Variants in TRPC3 observed in about 807,000 individuals in gnomAD.
TRPC3 encodes transient receptor potential cation channel subfamily C member 3, also known as short transient receptor potential channel 3.
In TRPC3, 54 loss-of-function variants were observed where a neutral mutation model predicts 90.9. That is an observed-to-expected ratio of 0.59 (90% CI 0.48 to 0.75). The LOEUF is 0.75. TRPC3 is among the 30% of genes least tolerant of loss of function. The pLI, the probability that TRPC3 is intolerant of heterozygous loss-of-function variation, is 0.00. For missense variants in TRPC3, 918 were observed against 1,194.5 expected, an observed-to-expected ratio of 0.77 and a Z score of 3.41; for synonymous variants, 424 against 450.9, an observed-to-expected ratio of 0.94 and a Z score of 0.75.
At chr4:121,907,668 T>C in intron 6 of TRPC3, 101 bp from the exon 7 acceptor site, 3 of 1,320,192 alleles carry the variant, frequency 2.3e-6, no homozygotes, top group South Asian at 3.1e-5. Context: ...AGGTAGGTGG[T>C]TACCATCTCA....
chr4:121,936,771 C>G (rs1730143690), intron 1 of TRPC3, among the ~76,000 whole-genome samples: 1 of 152,112 alleles, frequency 6.6e-6, no homozygotes, highest in Admixed American at 6.5e-5. Context: ...AGGTACCTCT[C>G]CAGAAACCGA....
chr4:121,942,920 C>T (rs1730367744), intron 1 of TRPC3, among the ~76,000 whole-genome samples: 1 of 152,206 alleles, frequency 6.6e-6, no homozygotes, highest in Non-Finnish European at 1.5e-5. Context: ...AAGCAAATGC[C>T]TTCTAGAACT....
rs1159944820 is a variant in TRPC3, at chr4:121,951,904, A to AGCAGCT, written c.-230_-225dup. 2.8e-6 allele frequency: 1 copy of AGCAGCT among 357,058 alleles called. No individual in the cohort carries two copies. The highest frequency in any genetic ancestry group is 5.0e-6 in the Non-Finnish European group (1 of 201,222). The allele number at this position is 357,058 out of a possible 1,614,324, so 22.1% of individuals were successfully genotyped here. On this transcript the variant is annotated 5_prime_UTR_variant, in exon 1 of 12. Transcript: ENST00000379645. The surrounding 1 kb of genome is among the most constrained non-coding windows in gnomAD (Gnocchi z 4.4). ...CCGCCGCCCACCATCAAACCGTGGG[A>AGCAGCT]GCAGCTGCCGCGGCCGTGGCTGCGA... is the stretch of plus-strand genomic sequence containing the variant.
chr4:121,920,582 T>G (rs1284323418), intron 3 of TRPC3, among the ~76,000 whole-genome samples: 1 of 152,212 alleles, frequency 6.6e-6, no homozygotes, highest in African/African-American at 2.4e-5. Context: ...CATTCCCTGT[T>G]AGTAAAGATG....
intron 1 of TRPC3, among the ~76,000 whole-genome samples, chr4:121,942,887 C>T (rs1167779778): frequency 6.6e-6 from 1 of 152,156 alleles, no homozygotes; most frequent in Non-Finnish European, 1.5e-5. Flanking sequence ...CTTAAACGAA[C>T]GTATGTGCCC....
intron 3 of TRPC3, among the ~76,000 whole-genome samples, chr4:121,916,333 G>A (rs1729316515): frequency 6.6e-6 from 1 of 152,182 alleles, no homozygotes; most frequent in African/African-American, 2.4e-5. Context: ...TGCACCCAGT[G>A]TAAAGTCCAC....
chr4:121,912,222 CT>C, intron 4 of TRPC3, 129 bp from the exon 5 acceptor site: 1 of 737,696 alleles, frequency 1.4e-6, no homozygotes, highest in Non-Finnish European at 2.1e-6. Context: ...TTCCAAAAAG[CT>C]TTATATTATG....
At chr4:121,898,063 C>T (rs556230908) in intron 10 of TRPC3, among the ~76,000 whole-genome samples, 1 of 152,220 alleles carries the variant, frequency 6.6e-6, no homozygotes, top group South Asian at 2.1e-4. Context: ...TAAAGTTAAG[C>T]ACCGCATGTT....
At chr4:121,945,547 A>G (rs1281500830) in intron 1 of TRPC3, among the ~76,000 whole-genome samples, 2 of 152,224 alleles carry the variant, frequency 1.3e-5, no homozygotes, top group East Asian at 3.8e-4. Flanking sequence ...CACCCAGCTC[A>G]ATGCTAGAGA....
In TRPC3 at chr4:121,875,762, G is replaced by A. The variant is rs67775544; in HGVS notation, c.*3974C>T. ...GCATTAAAGTTAAAACCATCAACAC[G>A]CTAGTGGTGGTCAGCTGAGTGACTG... On this transcript the variant is annotated 3_prime_UTR_variant, in exon 12 of 12. Transcript: ENST00000379645. 0.3 allele frequency among the ~76,000 whole-genome samples: 45,509 copies of A among 151,914 alleles called. 8,326 individuals carry two copies. Among genetic ancestry groups the A allele is most frequent in the East Asian group, 0.44 (2,268 of 5,174 alleles).
intron 3 of TRPC3, among the ~76,000 whole-genome samples, chr4:121,916,946 C>T (rs1244279909): frequency 1.3e-5 from 2 of 151,928 alleles, no homozygotes; most frequent in African/African-American, 2.4e-5. Context: ...AACTCTCAAC[C>T]TCAGGTGATC....
Position 121,929,577 on chromosome 4 carries a change from A to C in TRPC3, c.987+2694T>G, listed in dbSNP as rs1365778499. ...TTCAAACAGCATTTGCACATCCAAA[A>C]TATTTCTTTAATAACCTGTCACCGA... is the stretch of plus-strand genomic sequence containing the variant. On this transcript the variant is annotated intron_variant, in intron 2 of 11. Coordinates refer to ENST00000379645, the MANE Select transcript of TRPC3 (RefSeq NM_001130698.2). Among the ~76,000 whole-genome samples, 5 of 152,246 alleles carry C rather than the reference A, an allele frequency of 3.3e-5. No individual in the cohort carries two copies. The East Asian group carries it at 9.6e-4, about 29-fold the overall frequency.
chr4:121,928,895 T>A (rs1041636837), intron 2 of TRPC3, among the ~76,000 whole-genome samples: 1 of 152,206 alleles, frequency 6.6e-6, no homozygotes, highest in Non-Finnish European at 1.5e-5. Flanking sequence ...CTTTCCCTAA[T>A]AACAAAAGAG....
At chr4:121,938,128 G>T (rs1227066944) in intron 1 of TRPC3, among the ~76,000 whole-genome samples, 1 of 151,744 alleles carries the variant, frequency 6.6e-6, no homozygotes, top group Non-Finnish European at 1.5e-5. Context: ...TATCCACAGA[G>T]TTCTACCCAG....
intron 10 of TRPC3, among the ~76,000 whole-genome samples, chr4:121,895,977 T>C (rs770903686): frequency 7.9e-5 from 12 of 152,014 alleles, no homozygotes; most frequent in East Asian, 1.9e-4. Flanking sequence ...AAATCCCACT[T>C]GATAGTGGGA....
chr4:121,902,849 T>C lies in TRPC3; in HGVS notation c.2463+3A>G, dbSNP rs1057039112. 1 of 1,587,252 alleles carries C rather than the reference T, an allele frequency of 6.3e-7. No homozygotes were observed. Among genetic ancestry groups the C allele is most frequent in the East Asian group, 2.2e-5 (1 of 44,482 alleles). ...AAGGTCTTGGTAAGTTTTCGATACC[T>C]ACCCTGGACTTTGAGTTACCCATTC... On this transcript the variant is annotated splice_donor_region_variant and intron_variant, in intron 9 of 11. Coordinates refer to ENST00000379645, the MANE Select transcript of TRPC3 (RefSeq NM_001130698.2).
chr4:121,945,515 T>C (rs1233973172), intron 1 of TRPC3, among the ~76,000 whole-genome samples: 2 of 152,164 alleles, frequency 1.3e-5, no homozygotes, highest in African/African-American at 4.8e-5. Context: ...CTACAGTGGC[T>C]GTTACAGAAA....
chr4:121,916,671 C>T (rs1040126564), intron 3 of TRPC3, among the ~76,000 whole-genome samples: 4 of 152,100 alleles, frequency 2.6e-5, no homozygotes, highest in African/African-American at 9.7e-5. Flanking sequence ...CTTCACTATG[C>T]TGGCATCCTC....
intron 3 of TRPC3, among the ~76,000 whole-genome samples, chr4:121,923,188 T>C (rs1204767540): frequency 6.6e-6 from 1 of 152,042 alleles, no homozygotes; most frequent in Non-Finnish European, 1.5e-5. Flanking sequence ...GAAGGGGCCA[T>C]ATGAAAACAG....
Sources: gnomAD v4.1 joint callset for allele counts (sites outside exome capture counted in the v4.1 genomes callset) on GRCh38, gnomAD v4.1.1 for gene constraint, Gnocchi (gnomAD v3.1) non-coding constraint, MANE v1.5 for transcripts, NCBI Gene and HGNC (gene_info 2026-07-23, HGNC 2026-07-21) for gene names.